EPSTI1: variants seen among roughly 807,000 people sequenced by gnomAD.
EPSTI1 encodes epithelial-stromal interaction protein 1.
A neutral mutation model predicts 49.9 loss-of-function variants in EPSTI1; 66 were observed. The observed-to-expected ratio is 1.32, with a 90% CI of 1.08 to 1.62. EPSTI1 has a LOEUF of 1.62. Ranked by LOEUF, EPSTI1 falls within the 40% of genes most tolerant of loss-of-function variation. The probability of loss-of-function intolerance (pLI) is 0.00; values close to 1 mark genes in which losing one functional copy is unlikely to be tolerated. For synonymous variants in EPSTI1, 137 were observed against 130.7 expected (o/e 1.05, Z -0.33); for missense variants, 394 against 365.5 (o/e 1.08, Z -0.64).
chr13:42,918,763 T>C (rs2037910208), intron 7 of EPSTI1, among the ~76,000 whole-genome samples: 1 of 152,208 alleles, frequency 6.6e-6, no homozygotes, highest in African/African-American at 2.4e-5. Flanking sequence ...ACATACATCA[T>C]ATGACTTTCT....
intron 5 of EPSTI1, among the ~76,000 whole-genome samples, chr13:42,961,830 C>T (rs1287881672): frequency 6.6e-6 from 1 of 152,176 alleles, no homozygotes; most frequent in East Asian, 1.9e-4. Flanking sequence ...TTGGATTCTA[C>T]TTGGCTCAGA....
chr13:42,950,238 A>C (rs2039054210), intron 6 of EPSTI1, among the ~76,000 whole-genome samples: 1 of 152,228 alleles, frequency 6.6e-6, no homozygotes, highest in Admixed American at 6.5e-5. Context: ...TGAAACAGTC[A>C]CAGTCATTCA....
chr13:42,962,829 G>A (rs892318292), intron 5 of EPSTI1, among the ~76,000 whole-genome samples: 5 of 152,002 alleles, frequency 3.3e-5, no homozygotes, highest in African/African-American at 9.7e-5. Flanking sequence ...TATGAATAGC[G>A]TACATTATTG....
rs367798316 is a variant in EPSTI1, at chr13:42,888,614, G to T, written c.916-112C>A. 138 of 1,122,538 alleles carry T rather than the reference G, an allele frequency of 1.2e-4. No individual in the cohort carries two copies. In the Middle Eastern group the frequency reaches 2.4e-3, roughly 19 times the overall value. The allele number at this position is 1,122,538 out of a possible 1,614,324, so 69.5% of individuals were successfully genotyped here. On this transcript the variant is annotated intron_variant, in intron 10 of 10. Coordinates refer to ENST00000313624, the MANE Select transcript of EPSTI1 (RefSeq NM_033255.5). ...ACGCTCTTATGCATCAAGCTGAAAT[G>T]ACCATTTTTTAAAATTAACAACTTA...
At chr13:42,930,514 A>G (rs549543819) in intron 6 of EPSTI1, among the ~76,000 whole-genome samples, 17 of 152,376 alleles carry the variant, frequency 1.1e-4, no homozygotes, top group Admixed American at 8.5e-4. Context: ...CACAAAACCC[A>G]TTTAAGAAAT....
chr13:42,919,169 C>T (rs1027037315), intron 7 of EPSTI1: 28 of 715,972 alleles, frequency 3.9e-5, no homozygotes, highest in Non-Finnish European at 6.2e-5. Flanking sequence ...GTTTTTGACT[C>T]AGAAAAAAGT....
chr13:42,974,822 T>C (rs191382242), intron 1 of EPSTI1, among the ~76,000 whole-genome samples: 13 of 152,326 alleles, frequency 8.5e-5, no homozygotes, highest in African/African-American at 3.1e-4. Flanking sequence ...AAGTATTACA[T>C]AACAATATCC....
intron 9 of EPSTI1, among the ~76,000 whole-genome samples, chr13:42,897,027 G>A (rs1288450608): frequency 2.0e-5 from 3 of 151,514 alleles, no homozygotes; most frequent in African/African-American, 7.3e-5. Flanking sequence ...TTGAACCTGG[G>A]AGGTGGAGTT....
intron 8 of EPSTI1, among the ~76,000 whole-genome samples, chr13:42,914,820 G>A (rs1322422647): frequency 6.6e-6 from 1 of 151,832 alleles, no homozygotes; most frequent in Non-Finnish European, 1.5e-5. Flanking sequence ...GCATATTTCT[G>A]ACAAAAAAAG....
intron 9 of EPSTI1, 90 bp from the exon 10 acceptor site, chr13:42,895,198 A>G (rs2153409299): frequency 1.1e-6 from 1 of 951,980 alleles, no homozygotes; most frequent in Non-Finnish European, 1.6e-6. Context: ...TGAACTGACC[A>G]TGGGGATAGC....
At chr13:42,889,098 A>T in intron 10 of EPSTI1, 1 of 851,878 alleles carries the variant, frequency 1.2e-6, no homozygotes, top group Non-Finnish European at 1.9e-6. Context: ...GTCATAGGAA[A>T]TGCTTAACTG....
At position 42,963,285 on chromosome 13, in the gene EPSTI1, G is replaced by A. The variant is rs527579706; in HGVS notation, c.459C>T (p.Leu153=). ...RIKKEAEEAE[L]QKMKAIQREK... is the part of the protein sequence containing the mutation. Reference sequence around the variant, plus strand: ...CTCTCTGAATTGCCTTCATTTTTTGGAGTTCAGCTTCTTCAGCTTCCTTCT... The same window carrying A: ...CTCTCTGAATTGCCTTCATTTTTTGAAGTTCAGCTTCTTCAGCTTCCTTCT... The change falls in exon 5 of 11, where the codon CTC becomes CTT. Residue 153 remains leucine, a synonymous_variant. Transcript: ENST00000313624. 1.2e-6 allele frequency: 2 copies of A among 1,613,140 alleles called. No homozygotes were observed. Among genetic ancestry groups the A allele is most frequent in the South Asian group, 1.1e-5 (1 of 90,910 alleles).
intron 5 of EPSTI1, among the ~76,000 whole-genome samples, chr13:42,956,065 A>G (rs1594722600): frequency 1.3e-5 from 2 of 152,334 alleles, no homozygotes; most frequent in Middle Eastern, 6.8e-3. Context: ...CAAAAAAGAA[A>G]TGATGGCAGT....
At chr13:42,892,504 T>C (rs1044701540) in intron 10 of EPSTI1, among the ~76,000 whole-genome samples, 1 of 151,844 alleles carries the variant, frequency 6.6e-6, no homozygotes, top group African/African-American at 2.4e-5. Flanking sequence ...GAGAGAGGGA[T>C]TGCACCGTTA....
rs184649013 is a variant in EPSTI1 at position 42,898,720 on chromosome 13, T to C, written c.815+1590A>G. Among the ~76,000 whole-genome samples, 708 of 152,326 alleles carry C rather than the reference T, an allele frequency of 4.6e-3. 16 individuals are homozygous for C. Among genetic ancestry groups the C allele is most frequent in the Admixed American group, 0.042 (650 of 15,302 alleles). On this transcript the variant is annotated intron_variant, in intron 9 of 10. Transcript: ENST00000313624. ...TCTAATCAAATAGCTTGGGTGTTTA[T>C]TAGGTGCCCATCAAAGATAAATATT... is the stretch of plus-strand genomic sequence containing the variant.
chr13:42,984,389 C>G (rs1263548152), intron 1 of EPSTI1, among the ~76,000 whole-genome samples: 2 of 152,116 alleles, frequency 1.3e-5, no homozygotes, highest in African/African-American at 4.8e-5. Context: ...ATAGTGAAAA[C>G]AGTTCTAATA....
intron 5 of EPSTI1, among the ~76,000 whole-genome samples, chr13:42,958,792 G>GAA (rs11440601): frequency 1.3e-5 from 2 of 151,408 alleles, no homozygotes; most frequent in African/African-American, 4.9e-5. Flanking sequence ...ACAATGCAAA[G>GAA]AAAAAAAATG....
intron 6 of EPSTI1, among the ~76,000 whole-genome samples, chr13:42,948,669 G>A (rs1310836325): frequency 6.6e-6 from 1 of 151,794 alleles, no homozygotes; most frequent in African/African-American, 2.4e-5. Context: ...TAGAGATGAG[G>A]TCTCCCTATG....
At chr13:42,924,973 C>A (rs1265507336) in intron 7 of EPSTI1, among the ~76,000 whole-genome samples, 1 of 152,166 alleles carries the variant, frequency 6.6e-6, no homozygotes, top group Non-Finnish European at 1.5e-5. Flanking sequence ...AAACCTGAGA[C>A]TTTAAGAAAC....
Sources: allele counts gnomAD v4.1 joint callset (sites outside exome capture counted in the v4.1 genomes callset), GRCh38; gene constraint gnomAD v4.1.1; transcripts MANE v1.5; gene names NCBI Gene and HGNC (gene_info 2026-07-23, HGNC 2026-07-21).